Variants in UGGT2 observed in about 807,000 individuals in gnomAD.
UGGT2 encodes the protein UDP-glucose glycoprotein glucosyltransferase 2.
In UGGT2, 180 loss-of-function variants were observed where a neutral mutation model predicts 192.1. The ratio of observed to expected loss-of-function variants is 0.94; its 90% CI spans 0.83 to 1.06. The LOEUF (loss-of-function observed/expected upper bound fraction) is 1.06. Among genes scored for constraint, UGGT2 ranks in the 50% least tolerant of loss-of-function variants. UGGT2 has a pLI of 0.00. For synonymous variants in UGGT2, 580 were observed against 591.0 expected, an observed-to-expected ratio of 0.98 and a Z score of 0.27; for missense variants, 1,849 against 1,795.7, an observed-to-expected ratio of 1.03 and a Z score of -0.54.
In UGGT2 at chr13:95,832,925, AC is replaced by A. The variant is rs1237277705; in HGVS notation, c.4528+1del. The A allele has an allele frequency of 6.2e-7, 1 of 1,612,000 alleles. No individual in the cohort carries two copies. Among genetic ancestry groups the A allele is most frequent in the Non-Finnish European group, 8.5e-7 (1 of 1,178,744 alleles). On this transcript the variant is annotated splice_donor_variant, in intron 38 of 38. Transcript: ENST00000376747. LOFTEE classifies it high-confidence loss of function. ...AGACATCACAACACGTTGATGACTTACTTGTATCTTGCTTCTTGTTTTCAAG... is the reference window on the plus strand; with the variant it reads ...AGACATCACAACACGTTGATGACTTATTGTATCTTGCTTCTTGTTTTCAAG...
chr13:95,952,974 T>C (rs543083210), intron 12 of UGGT2, among the ~76,000 whole-genome samples: 2 of 152,346 alleles, frequency 1.3e-5, no homozygotes, highest in African/African-American at 2.4e-5. Flanking sequence ...GAGACAATGT[T>C]ACGACAATAT....
At chr13:96,046,719 C>T (rs1008651044) in intron 1 of UGGT2, among the ~76,000 whole-genome samples, 1 of 152,294 alleles carries the variant, frequency 6.6e-6, no homozygotes. Context: ...CCTTTCCTAG[C>T]CAAGGGAAGC....
At chr13:95,857,186 A>C (rs1191692538) in intron 33 of UGGT2, among the ~76,000 whole-genome samples, 1 of 152,056 alleles carries the variant, frequency 6.6e-6, no homozygotes, top group Non-Finnish European at 1.5e-5. Flanking sequence ...TGAAATCTTG[A>C]AATTAGGGGT....
chr13:96,052,843 A>C (rs2053525313), intron 1 of UGGT2, among the ~76,000 whole-genome samples: 2 of 152,248 alleles, frequency 1.3e-5, no homozygotes, highest in Admixed American at 1.3e-4. Context: ...TGCCTACCCC[A>C]GTAGAAGCTC....
chr13:95,888,470 T>G (rs558754708), intron 25 of UGGT2, among the ~76,000 whole-genome samples: 15 of 152,218 alleles, frequency 9.9e-5, no homozygotes, highest in African/African-American at 3.1e-4. Context: ...CATCTCCACA[T>G]AGGCAACATG....
rs549696300 is a variant in UGGT2, at chr13:95,988,835, GA to G, written c.931+1137del. Among the ~76,000 whole-genome samples the G allele has an allele frequency of 1.4e-4, 21 of 152,108 alleles. No individual in the cohort carries two copies. In the East Asian group the frequency reaches 3.5e-3, roughly 25 times the overall value. On this transcript the variant is annotated intron_variant, in intron 8 of 38. Transcript: ENST00000376747. ...GGTACAGTATAAAGAATTTTACTTG[GA>G]CCAAAATCTTCACTTATTAGCTGTG...
chr13:96,020,653 T>C (rs1384992976), intron 4 of UGGT2, among the ~76,000 whole-genome samples: 2 of 152,142 alleles, frequency 1.3e-5, no homozygotes, highest in Non-Finnish European at 2.9e-5. Context: ...GAGACTACCA[T>C]CACCCACCAG....
In UGGT2 at chr13:95,970,146, G is replaced by T. The variant is rs751205775; in HGVS notation, c.1301C>A (p.Thr434Asn). ...AGAATGTCGAATATCTAATACATAA[G>T]TATATTCCCAAATGTGTGAATTTAA... ...LKLNSHIWEY[T>N]YVLDIRHSSI... Residue 434 changes from threonine to asparagine, a missense_variant, in exon 12 of 39, where the codon ACT becomes AAT. By Grantham distance (65) the Thr-to-Asn change is moderately conservative (BLOSUM62 0). Transcript: ENST00000376747. The T allele has an allele frequency of 8.7e-6, 14 of 1,609,214 alleles. No individual in the cohort carries two copies. The South Asian group carries it at 1.5e-4, about 18-fold the overall frequency.
intron 38 of UGGT2, among the ~76,000 whole-genome samples, chr13:95,832,206 T>C (rs1886780133): frequency 6.6e-6 from 1 of 152,102 alleles, no homozygotes; most frequent in African/African-American, 2.4e-5. Flanking sequence ...CAATATAATC[T>C]AGTGAAAGTC....
At chr13:95,914,942 C>T (rs900466040) in intron 20 of UGGT2, among the ~76,000 whole-genome samples, 2 of 152,118 alleles carry the variant, frequency 1.3e-5, no homozygotes, top group African/African-American at 4.8e-5. Context: ...TAAATGATGT[C>T]AAAATGTAAA....
At chr13:95,856,681 T>C (rs1255820869) in intron 33 of UGGT2, 3 of 424,438 alleles carry the variant, frequency 7.1e-6, no homozygotes, top group Non-Finnish European at 9.1e-6. Context: ...CTCTGGATCT[T>C]GGAACACCTA....
chr13:96,050,831 A>C (rs1032753025), intron 1 of UGGT2, among the ~76,000 whole-genome samples: 1 of 152,202 alleles, frequency 6.6e-6, no homozygotes, highest in African/African-American at 2.4e-5. Context: ...GTCAGGAAAC[A>C]ACAGGTGCTG....
At chr13:95,940,639 A>C (rs1460431257) in intron 15 of UGGT2, among the ~76,000 whole-genome samples, 1 of 149,794 alleles carries the variant, frequency 6.7e-6, no homozygotes, top group Non-Finnish European at 1.5e-5. Context: ...ATTTTTTGTA[A>C]AGATGGGGTC....
chr13:95,929,285 T>G (rs1167385439), intron 17 of UGGT2, among the ~76,000 whole-genome samples: 1 of 152,238 alleles, frequency 6.6e-6, no homozygotes, highest in Non-Finnish European at 1.5e-5. Flanking sequence ...ATTAAATATA[T>G]TTTTAAAGAA....
chr13:96,006,073 G>T (rs1305490975), intron 5 of UGGT2, among the ~76,000 whole-genome samples: 1 of 152,160 alleles, frequency 6.6e-6, no homozygotes, highest in Non-Finnish European at 1.5e-5. Context: ...AAAGTCTGAA[G>T]AGACAAATCA....
chr13:96,023,184 C>A, intron 3 of UGGT2, 32 bp from the exon 4 acceptor site: 2 of 1,512,080 alleles, frequency 1.3e-6, no homozygotes, highest in Non-Finnish European at 1.8e-6. Context: ...TTAGCTACAG[C>A]AGTTGATAAT....
Position 95,832,968 on chromosome 13 carries a change from C to T in UGGT2, c.4487G>A (p.Arg1496Lys). Residue 1496 changes from arginine to lysine, a missense_variant, in exon 38 of 39, where the codon AGA (arginine) becomes AAA (lysine). Coordinates refer to ENST00000376747, the MANE Select transcript of UGGT2 (RefSeq NM_020121.4). ...GTTTTCAAGATGATCTAATAGTTGTCTTATCTCAGCATCATACTCCACCCA... is the reference window on the plus strand; with the variant it reads ...GTTTTCAAGATGATCTAATAGTTGTTTTATCTCAGCATCATACTCCACCCA... ...PEWVEYDAEI[R>K]QLLDHLENKK... is the part of the protein sequence containing the mutation. 6.2e-7 allele frequency: 1 copy of T among 1,612,820 alleles called. No homozygotes were observed. Among genetic ancestry groups the T allele is most frequent in the Non-Finnish European group, 8.5e-7 (1 of 1,179,176 alleles).
At chr13:95,944,531 T>C (rs147656468) in intron 15 of UGGT2, among the ~76,000 whole-genome samples, 7 of 152,178 alleles carry the variant, frequency 4.6e-5, no homozygotes, top group African/African-American at 9.6e-5. Flanking sequence ...AGTTTATACC[T>C]GGTGTGCTCA....
intron 20 of UGGT2, among the ~76,000 whole-genome samples, chr13:95,905,013 A>G (rs567922732): frequency 2.6e-5 from 4 of 151,612 alleles, no homozygotes; most frequent in Admixed American, 2.0e-4. Flanking sequence ...TGGTATCTCA[A>G]TGTGGTTTTG....
Sources: gnomAD v4.1 joint callset for allele counts (sites outside exome capture counted in the v4.1 genomes callset) on GRCh38, gnomAD v4.1.1 for gene constraint, MANE v1.5 for transcripts, NCBI Gene and HGNC (gene_info 2026-07-23, HGNC 2026-07-21) for gene names.